Variants in EHBP1 observed in about 807,000 individuals in gnomAD.
The protein encoded by EHBP1 is EH domain-binding protein 1.
A neutral mutation model predicts 144.0 loss-of-function variants in EHBP1; 55 were observed. That is an observed-to-expected ratio of 0.38 (90% CI 0.31 to 0.48). The LOEUF (loss-of-function observed/expected upper bound fraction) is 0.48, where lower values mean the gene tolerates loss of function less well. EHBP1 is among the 20% of genes least tolerant of loss of function. The pLI is 0.98. For synonymous variants in EHBP1, 469 were observed against 472.7 expected, an observed-to-expected ratio of 0.99 and a Z score of 0.10; for missense variants, 1,200 against 1,364.2, an observed-to-expected ratio of 0.88 and a Z score of 1.90.
Position 62,763,899 on chromosome 2 carries a change from T to C in EHBP1, c.163-367T>C, listed in dbSNP as rs1272777751. Among the ~76,000 whole-genome samples the C allele has an allele frequency of 2.0e-5, 3 of 152,276 alleles. No individual in the cohort carries two copies. In the East Asian group the frequency reaches 5.8e-4, roughly 29 times the overall value. ...TCTTAAAGTTCCTAGTCCACAAAAA[T>C]AATTTTTAAAATATCTCTTCTAATA... On this transcript the variant is annotated intron_variant, in intron 3 of 22. Transcript: ENST00000431489.
At chr2:62,782,080 C>T (rs902657876) in intron 5 of EHBP1, among the ~76,000 whole-genome samples, 1 of 152,188 alleles carries the variant, frequency 6.6e-6, no homozygotes, top group Non-Finnish European at 1.5e-5. Flanking sequence ...CTCTGAAACC[C>T]ATGCATTTTA....
chr2:63,017,598 T>A (rs2153274938), intron 19 of EHBP1, among the ~76,000 whole-genome samples: 2 of 152,334 alleles, frequency 1.3e-5, no homozygotes, highest in Middle Eastern at 6.8e-3. Flanking sequence ...AAATGTTAGC[T>A]ATTATTATTT....
At chr2:63,037,716 A>G in intron 20 of EHBP1, 82 bp downstream of exon 20, 1 of 774,950 alleles carries the variant, frequency 1.3e-6, no homozygotes, top group Non-Finnish European at 2.1e-6. Context: ...TTGGGATTTA[A>G]TATTTATTCG....
chr2:62,953,774 A>C lies in EHBP1; in HGVS notation c.2317-1743A>C, dbSNP rs567741529. Among the ~76,000 whole-genome samples the C allele has an allele frequency of 2.0e-5, 3 of 152,206 alleles. No individual in the cohort carries two copies. The South Asian group carries it at 6.2e-4, about 32-fold the overall frequency. On this transcript the variant is annotated intron_variant, in intron 13 of 22. Coordinates refer to ENST00000431489, the MANE Select transcript of EHBP1 (RefSeq NM_001142616.3). ...TGCATTTCTAGCCAGGAAAATTAAA[A>C]AAAAACTGTGTTTATGTGCTGTTAA...
chr2:62,929,697 T>G (rs4671454), intron 10 of EHBP1, among the ~76,000 whole-genome samples: 18,242 of 152,144 alleles, frequency 0.12, 1,322 homozygotes, highest in East Asian at 0.19. Flanking sequence ...CAACATAGTA[T>G]TGAAAGTCCT....
At chr2:62,876,483 C>A (rs1220672102) in intron 10 of EHBP1, among the ~76,000 whole-genome samples, 11 of 152,268 alleles carry the variant, frequency 7.2e-5, no homozygotes, top group African/African-American at 2.6e-4. Context: ...TAAGGGAGTG[C>A]TAAACATAGA....
chr2:62,722,173 A>G (rs1396952155), intron 2 of EHBP1, among the ~76,000 whole-genome samples: 1 of 151,686 alleles, frequency 6.6e-6, no homozygotes, highest in African/African-American at 2.4e-5. Flanking sequence ...TCTATTGCCC[A>G]TGCTGGAGTG....
intron 10 of EHBP1, among the ~76,000 whole-genome samples, chr2:62,926,255 A>G (rs1292037690): frequency 6.6e-6 from 1 of 152,122 alleles, no homozygotes. Flanking sequence ...GACCTGAAGC[A>G]TTGAAACTAC....
chr2:62,796,077 C>T (rs1487500028), intron 5 of EHBP1, among the ~76,000 whole-genome samples: 1 of 151,724 alleles, frequency 6.6e-6, no homozygotes, highest in Non-Finnish European at 1.5e-5. Flanking sequence ...TGTCCTTGCC[C>T]ACCATCTTTT....
At chr2:62,967,485 G>A (rs1433773107) in intron 14 of EHBP1, among the ~76,000 whole-genome samples, 1 of 152,150 alleles carries the variant, frequency 6.6e-6, no homozygotes, top group African/African-American at 2.4e-5. Flanking sequence ...GATCCTAGAC[G>A]ATTGGTATTT....
chr2:62,707,245 C>A lies in EHBP1; in HGVS notation c.54C>A (p.Phe18Leu). 1 of 1,614,182 alleles carries A rather than the reference C, an allele frequency of 6.2e-7. No homozygotes were observed. ...GTGTGGGAAAACATGCATCCAAGTT[C>A]CAGTTTGTGGCCTCCTACCAGGAGC... is the stretch of plus-strand genomic sequence containing the variant. ...LQRVGKHASK[F>L]QFVASYQELM... The change falls in exon 2 of 23, where the codon TTC becomes TTA. Residue 18 changes from phenylalanine (F) to leucine (L), a missense_variant. Physicochemically the swap from Phe to Leu is conservative, Grantham distance 22 (BLOSUM62 0). This residue lies in a region of EHBP1 where 137 missense variants were observed against 190.1 expected (regional missense o/e 0.72). Transcript: ENST00000431489.
intron 18 of EHBP1, among the ~76,000 whole-genome samples, chr2:62,995,720 CA>C (rs1227441128): frequency 1.3e-5 from 2 of 151,908 alleles, no homozygotes; most frequent in African/African-American, 2.4e-5. Flanking sequence ...CCAAAAATGT[CA>C]AAAGGTAAAC....
intron 19 of EHBP1, among the ~76,000 whole-genome samples, chr2:63,017,052 A>G (rs1239332300): frequency 6.6e-6 from 1 of 152,244 alleles, no homozygotes; most frequent in Non-Finnish European, 1.5e-5. Flanking sequence ...GGGAATGATA[A>G]CTGCTTACTA....
intron 5 of EHBP1, among the ~76,000 whole-genome samples, chr2:62,810,786 T>C (rs1011679918): frequency 6.6e-6 from 1 of 152,282 alleles, no homozygotes; most frequent in Non-Finnish European, 1.5e-5. Flanking sequence ...AAGTTTAAGA[T>C]CTGCTAGTTT....
At chr2:62,739,980 TGTTA>T (rs2038549378) in intron 2 of EHBP1, among the ~76,000 whole-genome samples, 3 of 151,580 alleles carry the variant, frequency 2.0e-5, no homozygotes, top group South Asian at 2.1e-4. Flanking sequence ...TTTATACTGT[TGTTA>T]GTAAGATATT....
chr2:62,904,556 G>A (rs143678475), intron 10 of EHBP1, among the ~76,000 whole-genome samples: 223 of 152,290 alleles, frequency 1.5e-3, no homozygotes, highest in Non-Finnish European at 1.9e-3. Context: ...TGGGCTGCCC[G>A]ATGGTGGCAG....
At chr2:62,736,331 A>T (rs2038129497) in intron 2 of EHBP1, among the ~76,000 whole-genome samples, 3 of 150,270 alleles carry the variant, frequency 2.0e-5, no homozygotes, top group African/African-American at 7.4e-5. Flanking sequence ...GGTTCAAGGA[A>T]TTCTGCCTCA....
At position 62,929,151 on chromosome 2, in the gene EHBP1, A is replaced by G. The variant is rs141997259; in HGVS notation, c.1186-13567A>G. Among the ~76,000 whole-genome samples, 417 of 152,354 alleles carry G rather than the reference A, an allele frequency of 2.7e-3. 2 individuals carry two copies. The highest frequency in any genetic ancestry group is 4.2e-3 in the Non-Finnish European group (284 of 68,030). The stretch of plus-strand genomic sequence containing the variant: ...ATGGCTTCACCAGTGAACTCTATCA[A>G]ACACTTAAAGAAGAACCAACACTAA... On this transcript the variant is annotated intron_variant, in intron 10 of 22. Coordinates refer to ENST00000431489, the MANE Select transcript of EHBP1 (RefSeq NM_001142616.3).
At chr2:62,828,947 C>A (rs774495015) in intron 6 of EHBP1, among the ~76,000 whole-genome samples, 1 of 151,920 alleles carries the variant, frequency 6.6e-6, no homozygotes, top group Admixed American at 6.6e-5. Flanking sequence ...CAAGACCCCC[C>A]TCTCTACAGA....
Sources: allele counts gnomAD v4.1 joint callset (sites outside exome capture counted in the v4.1 genomes callset), GRCh38; gene constraint gnomAD v4.1.1; regional missense constraint gnomAD v4.1.1; transcripts MANE v1.5; gene names NCBI Gene and HGNC (gene_info 2026-07-23, HGNC 2026-07-21).